PCDHGB6: variants seen among roughly 807,000 people sequenced by gnomAD.
PCDHGB6 encodes the protein protocadherin gamma subfamily B, 6.
PCDHGB6 carries 51 observed loss-of-function variants against 59.1 expected under a neutral mutation model. The ratio of observed to expected loss-of-function variants is 0.86; its 90% CI spans 0.69 to 1.09. PCDHGB6 has a LOEUF of 1.09. Ranked by LOEUF, PCDHGB6 falls within the 50% of genes least tolerant of loss-of-function variation. The probability of loss-of-function intolerance (pLI) is 0.00; values close to 1 mark genes in which losing one functional copy is unlikely to be tolerated. For missense variants in PCDHGB6, 1,148 were observed against 1,205.1 expected (o/e 0.95, Z 0.70); for synonymous variants, 466 against 495.1 (o/e 0.94, Z 0.78).
Position 141,486,288 on chromosome 5 carries a change from T to C in PCDHGB6, c.2419-8519T>C. 5 of 1,613,996 alleles carry C rather than the reference T, an allele frequency of 3.1e-6. No individual in the cohort carries two copies. The highest frequency in any genetic ancestry group is 4.2e-6 in the Non-Finnish European group (5 of 1,179,986). ...GAACCTGGCACTGTGGTGGCACTTA[T>C]CAGTGTGCAGGATCCAGACTCAGGG... On this transcript the variant is annotated intron_variant, in intron 1 of 3. Coordinates refer to ENST00000520790, the MANE Select transcript of PCDHGB6 (RefSeq NM_018926.3). The surrounding 1 kb of genome is among the most constrained non-coding windows in gnomAD (Gnocchi z 5.0).
intron 1 of PCDHGB6, among the ~76,000 whole-genome samples, chr5:141,481,743 G>C (rs1257734207): frequency 1.3e-5 from 2 of 152,096 alleles, no homozygotes; most frequent in Non-Finnish European, 2.9e-5. Context: ...CACGAGGTCA[G>C]GAGTCCAAGA....
At position 141,432,881 on chromosome 5, in the gene PCDHGB6, G is replaced by A; in HGVS notation, c.2418+22261G>A. On this transcript the variant is annotated intron_variant, in intron 1 of 3. Coordinates refer to ENST00000520790, the MANE Select transcript of PCDHGB6 (RefSeq NM_018926.3). This position sits in a 1 kb window ranked among gnomAD's most constrained non-coding sequence, Gnocchi z 6.0. ...GGTCTCCTGCGTCTTCCTGGCCTTC[G>A]TCATCTTGCTGCTGGCGCTCAGGCT... 6.2e-7 allele frequency: 1 copy of A among 1,614,170 alleles called. No homozygotes were observed. The highest frequency in any genetic ancestry group is 1.1e-5 in the South Asian group (1 of 91,088).
At chr5:141,466,027 CAGG>C (rs1174989171) in intron 1 of PCDHGB6, among the ~76,000 whole-genome samples, 1 of 151,890 alleles carries the variant, frequency 6.6e-6, no homozygotes, top group African/African-American at 2.4e-5. Context: ...GAGGGTGAGG[CAGG>C]AGAACGGCAT....
rs6883529 is a variant in PCDHGB6, at chr5:141,427,618, A to G, written c.2418+16998A>G. On this transcript the variant is annotated intron_variant, in intron 1 of 3. Coordinates refer to ENST00000520790, the MANE Select transcript of PCDHGB6 (RefSeq NM_018926.3). ...ACCCTACGCATTGGTGAAGTCAACG[A>G]CAATGCTCCGGTTTTCCACCAAGTC... The G allele has an allele frequency of 3.3e-3, 2,299 of 695,914 alleles. 37 individuals are homozygous for G. In the African/African-American group the frequency reaches 0.033, roughly 10 times the overall value. 43.1% of individuals were successfully genotyped at this position (695,914 alleles called of 1,614,324 possible).
chr5:141,507,397 AC>A (rs1163501030), intron 3 of PCDHGB6: 1 of 152,144 alleles, frequency 6.6e-6, no homozygotes. Flanking sequence ...TGGCAACTCT[AC>A]CCCAGATGTC....
intron 2 of PCDHGB6, among the ~76,000 whole-genome samples, chr5:141,503,598 C>CAA (rs765754054): frequency 1.5e-4 from 10 of 65,698 alleles, no homozygotes; most frequent in African/African-American, 2.3e-4. Context: ...GACTCCAGCT[C>CAA]AAAAAAAAAA....
chr5:141,492,026 G>A, intron 1 of PCDHGB6: 1 of 567,198 alleles, frequency 1.8e-6, no homozygotes, highest in South Asian at 2.9e-5. Flanking sequence ...GGGGTCCCGG[G>A]AGGAGGCAGT....
At chr5:141,497,665 G>A (rs1011161465) in intron 2 of PCDHGB6, among the ~76,000 whole-genome samples, 3 of 151,348 alleles carry the variant, frequency 2.0e-5, no homozygotes, top group South Asian at 2.1e-4. Flanking sequence ...TCAGCCTCCC[G>A]AGTAGCTGGG....
chr5:141,421,188 C>T lies in PCDHGB6; in HGVS notation c.2418+10568C>T, dbSNP rs1364019876. 2.0e-6 allele frequency: 3 copies of T among 1,471,410 alleles called. No individual in the cohort carries two copies. The South Asian group carries it at 4.0e-5, about 20-fold the overall frequency. The allele number at this position is 1,471,410 out of a possible 1,614,324, so 91.1% of individuals were successfully genotyped here. A position where few individuals can be genotyped will look rare whatever the true frequency, so the allele number is the denominator to read the frequency against. The stretch of plus-strand genomic sequence containing the variant: ...GATACATAAGCCGATTCACAACCAA[C>T]CAGCTCGAGAAACCGCGGAATATCG... On this transcript the variant is annotated intron_variant, in intron 1 of 3. Coordinates refer to ENST00000520790, the MANE Select transcript of PCDHGB6 (RefSeq NM_018926.3).
At position 141,485,430 on chromosome 5, in the gene PCDHGB6, T is replaced by C; in HGVS notation, c.2419-9377T>C. The C allele has an allele frequency of 6.2e-7, 1 of 1,614,138 alleles. No individual in the cohort carries two copies. Among genetic ancestry groups the C allele is most frequent in the Non-Finnish European group, 8.5e-7 (1 of 1,180,022 alleles). On this transcript the variant is annotated intron_variant, in intron 1 of 3. Transcript: ENST00000520790. The surrounding 1 kb of genome is among the most constrained non-coding windows in gnomAD (Gnocchi z 5.7). ...GATTTGGACAGCGGAGCCCTGCTCA[T>C]CAAGAACCCAATCGACCGAGAGGCA... is the stretch of plus-strand genomic sequence containing the variant.
chr5:141,489,427 C>T lies in PCDHGB6; in HGVS notation c.2419-5380C>T, dbSNP rs370540900. 83 of 1,613,990 alleles carry T rather than the reference C, an allele frequency of 5.1e-5. No individual in the cohort carries two copies. The highest frequency in any genetic ancestry group is 8.3e-5 in the Admixed American group (5 of 59,996). On this transcript the variant is annotated intron_variant, in intron 1 of 3. Transcript: ENST00000520790. The surrounding 1 kb of genome is among the most constrained non-coding windows in gnomAD (Gnocchi z 4.5). ...AAAGATGACAGATCTGTTGAGCCGGCGGCTGCAATTGGGCTCTGAGGAGAA... is the reference window on the plus strand; with the variant it reads ...AAAGATGACAGATCTGTTGAGCCGGTGGCTGCAATTGGGCTCTGAGGAGAA...
At chr5:141,481,844 G>A (rs552753850) in intron 1 of PCDHGB6, among the ~76,000 whole-genome samples, 7 of 151,350 alleles carry the variant, frequency 4.6e-5, no homozygotes, top group Admixed American at 1.3e-4. Context: ...TCGCTTGATG[G>A]TGGAGGTTGC....
In PCDHGB6 at chr5:141,490,274, A is replaced by G. The variant is rs1285515971; in HGVS notation, c.2419-4533A>G. The G allele has an allele frequency of 6.2e-7, 1 of 1,614,228 alleles. No individual in the cohort carries two copies. Among genetic ancestry groups the G allele is most frequent in the Non-Finnish European group, 8.5e-7 (1 of 1,180,038 alleles). On this transcript the variant is annotated intron_variant, in intron 1 of 3. Transcript: ENST00000520790. This position sits in a 1 kb window ranked among gnomAD's most constrained non-coding sequence, Gnocchi z 5.4. ...CAAGTGGATGTGGGGGATGTCAATGACAATGCCCCAGAGGTGCTATTGGCC... is the reference window on the plus strand; with the variant it reads ...CAAGTGGATGTGGGGGATGTCAATGGCAATGCCCCAGAGGTGCTATTGGCC...
chr5:141,511,641 A>C lies in PCDHGB6; in HGVS notation c.*468A>C. On this transcript the variant is annotated 3_prime_UTR_variant, in exon 4 of 4. Transcript: ENST00000520790. ...TCTGAAAAGTTGGAAGGGCATCATG[A>C]CCTCTTGGCCTCTCCTTTGATTCTC... 1 of 224,930 alleles carries C rather than the reference A, an allele frequency of 4.4e-6. No homozygotes were observed. The allele number at this position is 224,930 out of a possible 1,614,324, so 13.9% of individuals were successfully genotyped here. A position where few individuals can be genotyped will look rare whatever the true frequency, so the allele number is the denominator to read the frequency against.
At chr5:141,456,149 G>A (rs377506220) in intron 1 of PCDHGB6, among the ~76,000 whole-genome samples, 1 of 151,866 alleles carries the variant, frequency 6.6e-6, no homozygotes, top group East Asian at 1.9e-4. Flanking sequence ...CGCCCGCCTC[G>A]GCCTCCTAAA....
Position 141,489,493 on chromosome 5 carries a change from G to A in PCDHGB6, c.2419-5314G>A, listed in dbSNP as rs1485293604. ...CCTGAGCTTGATGAGTGGTGCCCTG[G>A]CAGTGAATCAAAAGATTGACCGAGA... On this transcript the variant is annotated intron_variant, in intron 1 of 3. Coordinates refer to ENST00000520790, the MANE Select transcript of PCDHGB6 (RefSeq NM_018926.3). The surrounding 1 kb of genome is among the most constrained non-coding windows in gnomAD (Gnocchi z 4.5). The A allele has an allele frequency of 1.2e-6, 2 of 1,613,960 alleles. No homozygotes were observed. Among genetic ancestry groups the A allele is most frequent in the Non-Finnish European group, 1.7e-6 (2 of 1,180,038 alleles).
At chr5:141,500,562 T>A (rs2099801387) in intron 2 of PCDHGB6, among the ~76,000 whole-genome samples, 1 of 152,202 alleles carries the variant, frequency 6.6e-6, no homozygotes, top group Admixed American at 6.5e-5. Flanking sequence ...CACAAACTTG[T>A]CACACTTTCA....
At chr5:141,447,861 G>A (rs2098553733) in intron 1 of PCDHGB6, among the ~76,000 whole-genome samples, 1 of 152,120 alleles carries the variant, frequency 6.6e-6, no homozygotes, top group Non-Finnish European at 1.5e-5. Flanking sequence ...CGAGGTGGGT[G>A]AATCATCTGA....
At chr5:141,453,287 A>ATTT (rs2098760771) in intron 1 of PCDHGB6, among the ~76,000 whole-genome samples, 3 of 151,368 alleles carry the variant, frequency 2.0e-5, no homozygotes, top group African/African-American at 7.3e-5. Flanking sequence ...CTAATTTTTT[A>ATTT]ATTATTTATT....
Sources: allele counts gnomAD v4.1 joint callset (sites outside exome capture counted in the v4.1 genomes callset), GRCh38; gene constraint gnomAD v4.1.1; non-coding constraint Gnocchi (gnomAD v3.1); transcripts MANE v1.5; gene names NCBI Gene and HGNC (gene_info 2026-07-23, HGNC 2026-07-21).